The following PDE1C variants were observed in gnomAD, a reference collection of about 807,000 sequenced individuals.
PDE1C encodes phosphodiesterase 1C, also known as dual specificity calcium/calmodulin-dependent 3',5'-cyclic nucleotide phosphodiesterase 1C.
PDE1C carries 62 observed loss-of-function variants against 93.1 expected under a neutral mutation model. That is an observed-to-expected ratio of 0.67 (90% CI 0.54 to 0.82). The LOEUF (loss-of-function observed/expected upper bound fraction) is 0.82, where lower values mean the gene tolerates loss of function less well. Ranked by LOEUF, PDE1C falls within the 40% of genes least tolerant of loss-of-function variation. PDE1C has a pLI of 0.00. For missense variants in PDE1C, 742 were observed against 884.6 expected (o/e 0.84, Z 2.04); for synonymous variants, 325 against 310.1 (o/e 1.05, Z -0.50).
the PDE1C span, among the ~76,000 whole-genome samples, chr7:31,631,915 C>G: frequency 3.9e-5 from 6 of 152,262 alleles, no homozygotes; most frequent in South Asian, 1.0e-3. Context: ...AAGATATATA[C>G]AAGCTCCGTG....
chr7:32,188,040 T>G (rs1012449525), intron 2 of PDE1C, among the ~76,000 whole-genome samples: 2 of 152,124 alleles, frequency 1.3e-5, no homozygotes, highest in African/African-American at 4.8e-5. Context: ...GAACAACAAC[T>G]TAGGTATAGA....
chr7:32,164,657 A>T (rs1337291002), intron 3 of PDE1C, among the ~76,000 whole-genome samples: 1 of 152,194 alleles, frequency 6.6e-6, no homozygotes, highest in African/African-American at 2.4e-5. Flanking sequence ...GGATTAAATG[A>T]GCAAATGAAT....
intron 2 of PDE1C, among the ~76,000 whole-genome samples, chr7:31,956,109 C>T (rs111265923): frequency 3.3e-5 from 5 of 149,994 alleles, no homozygotes; most frequent in South Asian, 2.1e-4. Context: ...TTTTTCTCCC[C>T]GCTTTTTTTT....
chr7:31,717,765 A>G, the PDE1C span, among the ~76,000 whole-genome samples: 1 of 152,188 alleles, frequency 6.6e-6, no homozygotes, highest in Non-Finnish European at 1.5e-5. Flanking sequence ...TCTGCTACAG[A>G]GACAGGCCCT....
intron 2 of PDE1C, among the ~76,000 whole-genome samples, chr7:32,183,940 C>G (rs2128814558): frequency 6.6e-6 from 1 of 152,070 alleles, no homozygotes; most frequent in African/African-American, 2.4e-5. Context: ...ACAATGAACT[C>G]AAACAAATTT....
At chr7:32,166,731 A>G (rs1425631336) in intron 3 of PDE1C, among the ~76,000 whole-genome samples, 1 of 152,194 alleles carries the variant, frequency 6.6e-6, no homozygotes, top group Non-Finnish European at 1.5e-5. Flanking sequence ...TAATCCAGTG[A>G]CAATCCAGAG....
At chr7:31,747,370 TA>T (rs1360517248), downstream of PDE1C, among the ~76,000 whole-genome samples, 3 of 152,252 alleles carry the variant, frequency 2.0e-5, no homozygotes, top group South Asian at 4.1e-4. Flanking sequence ...TTATAAGAGT[TA>T]AAAAATATAT....
At chr7:32,100,277 T>C (rs894351600) in intron 3 of PDE1C, among the ~76,000 whole-genome samples, 1 of 152,206 alleles carries the variant, frequency 6.6e-6, no homozygotes, top group Non-Finnish European at 1.5e-5. Context: ...TTCTTATTTG[T>C]AAAAATAAGT....
the PDE1C span, among the ~76,000 whole-genome samples, chr7:31,670,452 C>T: frequency 5.9e-5 from 9 of 152,286 alleles, no homozygotes; most frequent in South Asian, 2.1e-4. Context: ...TGTCTCAGTG[C>T]GATTTTCTTC....
rs577501120 is a variant in PDE1C at position 32,084,060 on chromosome 7, T to C, written c.308+85725A>G. 3.2e-3 allele frequency among the ~76,000 whole-genome samples: 492 copies of C among 151,880 alleles called. 2 individuals carry two copies. The highest frequency in any genetic ancestry group is 0.011 in the African/African-American group (470 of 41,288). On this transcript the variant is annotated intron_variant, in intron 3 of 18. Transcript: ENST00000396193. ...CAATTAAAAGACACAGACTGGCAAATTGGATAAAGAGTCATGACCCATCAG... is the reference window on the plus strand; with the variant it reads ...CAATTAAAAGACACAGACTGGCAAACTGGATAAAGAGTCATGACCCATCAG...
Position 32,420,312 on chromosome 7 carries a change from T to C in PDE1C, c.310+7510A>G, listed in dbSNP as rs534894129. 9.9e-4 allele frequency among the ~76,000 whole-genome samples: 12 copies of C among 12,146 alleles called. 4 individuals carry two copies. In the East Asian group the frequency reaches 0.016, roughly 17 times the overall value. The allele number at this position is 12,146 out of a possible 152,430, so 8.0% of individuals were successfully genotyped here. On this transcript the variant is annotated intron_variant, in intron 1 of 1. Coordinates refer to the PDE1C transcript ENST00000672256. ...GTATATATATGTGTATATATATACA[T>C]GTGTATATATATGTGTATATATATA...
intron 15 of PDE1C, among the ~76,000 whole-genome samples, chr7:31,812,934 C>T (rs902542308): frequency 6.6e-6 from 1 of 152,104 alleles, no homozygotes; most frequent in Non-Finnish European, 1.5e-5. Context: ...GGTTGCTTGA[C>T]TTTACACAAG....
At chr7:31,975,503 A>G (rs1237141398) in intron 2 of PDE1C, among the ~76,000 whole-genome samples, 1 of 152,150 alleles carries the variant, frequency 6.6e-6, no homozygotes, top group Non-Finnish European at 1.5e-5. Flanking sequence ...AGTCTCTCAC[A>G]TGGACAATTC....
At chr7:31,760,807 T>C (rs1794787416) in intron 17 of PDE1C, among the ~76,000 whole-genome samples, 1 of 149,576 alleles carries the variant, frequency 6.7e-6, no homozygotes, top group South Asian at 2.1e-4. Flanking sequence ...AAACCACATA[T>C]ACTAAACTAA....
chr7:31,986,409 G>A (rs1783403559), intron 2 of PDE1C, among the ~76,000 whole-genome samples: 1 of 152,128 alleles, frequency 6.6e-6, no homozygotes, highest in Non-Finnish European at 1.5e-5. Flanking sequence ...TGCAAAGACT[G>A]TATTCCCAAA....
At position 32,165,913 on chromosome 7, in the gene PDE1C, C is replaced by T. The variant is rs572737883; in HGVS notation, c.308+3872G>A. 5.9e-5 allele frequency among the ~76,000 whole-genome samples: 9 copies of T among 152,108 alleles called. No homozygotes were observed. The East Asian group carries it at 1.7e-3, about 29-fold the overall frequency. On this transcript the variant is annotated intron_variant, in intron 3 of 18. Transcript: ENST00000396193. ...TAGAGAACAACATCCTTGGGCCCCACCTAGATCTGGGATGAGCCCAACAAT... is the reference window on the plus strand; with the variant it reads ...TAGAGAACAACATCCTTGGGCCCCATCTAGATCTGGGATGAGCCCAACAAT...
chr7:32,005,144 A>G (rs1158016269), intron 2 of PDE1C, among the ~76,000 whole-genome samples: 1 of 152,206 alleles, frequency 6.6e-6, no homozygotes, highest in Non-Finnish European at 1.5e-5. Context: ...GGTCCGTAGA[A>G]TTAGACTGAA....
At chr7:32,393,361 A>C (rs868563275) in intron 1 of PDE1C, among the ~76,000 whole-genome samples, 11 of 152,338 alleles carry the variant, frequency 7.2e-5, no homozygotes, top group Middle Eastern at 6.8e-3. Context: ...GAAATTCCTC[A>C]GGAATCCATT....
At chr7:32,325,620 AG>A (rs1290121971) in intron 1 of PDE1C, among the ~76,000 whole-genome samples, 2 of 152,222 alleles carry the variant, frequency 1.3e-5, no homozygotes, top group African/African-American at 4.8e-5. Flanking sequence ...AATTTGCCAC[AG>A]GTATATGTAG....
Sources: allele counts gnomAD v4.1 joint callset (sites outside exome capture counted in the v4.1 genomes callset), GRCh38; gene constraint gnomAD v4.1.1; transcripts MANE v1.5; gene names NCBI Gene and HGNC (gene_info 2026-07-23, HGNC 2026-07-21).